ABCC10: variants seen among roughly 807,000 people sequenced by gnomAD.
ABCC10 encodes the protein ATP-binding cassette sub-family C member 10.
ABCC10 carries 110 observed loss-of-function variants against 143.2 expected under a neutral mutation model. The observed-to-expected ratio is 0.77, with a 90% confidence interval of 0.66 to 0.90. The LOEUF (loss-of-function observed/expected upper bound fraction) is 0.90. ABCC10 is among the 40% of genes least tolerant of loss of function. The probability of loss-of-function intolerance (pLI) is 0.00; values close to 1 mark genes in which losing one functional copy is unlikely to be tolerated. For missense variants in ABCC10, 1,700 were observed against 1,900.5 expected, an observed-to-expected ratio of 0.89 and a Z score of 1.96; for synonymous variants, 805 against 846.7, an observed-to-expected ratio of 0.95 and a Z score of 0.85.
In ABCC10 at chr6:43,444,154, C is replaced by T. The variant is rs894999926; in HGVS notation, c.2495-5C>T. On this transcript the variant is annotated splice_polypyrimidine_tract_variant and splice_region_variant and intron_variant, in intron 11 of 21. Coordinates refer to ENST00000372530, the MANE Select transcript of ABCC10 (RefSeq NM_001198934.2). ...TAATTCTTCCATGACCCCTGATTCTCACAGCCACAGCCCAGTCAGTACAGA... is the reference window on the plus strand; with the variant it reads ...TAATTCTTCCATGACCCCTGATTCTTACAGCCACAGCCCAGTCAGTACAGA... 1.9e-6 allele frequency: 3 copies of T among 1,611,094 alleles called. No homozygotes were observed. The highest frequency in any genetic ancestry group is 2.5e-6 in the Non-Finnish European group (3 of 1,177,952).
chr6:43,429,436 G>C (rs1243484256), intron 2 of ABCC10, among the ~76,000 whole-genome samples: 1 of 132,004 alleles, frequency 7.6e-6, no homozygotes, highest in Non-Finnish European at 1.6e-5. Flanking sequence ...GATTGTTATT[G>C]TTGTTTTGTT....
At position 43,446,821 on chromosome 6, in the gene ABCC10, C is replaced by T. The variant is rs1581785595; in HGVS notation, c.3544+375C>T. The T allele has an allele frequency of 1.2e-5, 14 of 1,144,898 alleles. No individual in the cohort carries two copies. The South Asian group carries it at 3.8e-4, about 31-fold the overall frequency. 70.9% of individuals were successfully genotyped at this position (1,144,898 alleles called of 1,614,324 possible). On this transcript the variant is annotated intron_variant, in intron 16 of 21. Transcript: ENST00000372530. ...TCCTGTGCTCCTGGCTAGGTCCTAT[C>T]ACCCTCCTGCTTCTCTGTTGCTTTT...
intron 2 of ABCC10, chr6:43,431,885 A>G: frequency 7.6e-7 from 1 of 1,319,342 alleles, no homozygotes; most frequent in Non-Finnish European, 9.6e-7. Flanking sequence ...TGAATCAGAA[A>G]TGGTGTGGGT....
rs535397254 is a variant in ABCC10 at position 43,435,887 on chromosome 6, C to T, written c.1745C>T (p.Pro582Leu). Residue 582 changes from proline to leucine, a missense_variant, in exon 5 of 22, where the codon CCC (proline) becomes CTC (leucine). By Grantham distance (98) the Pro-to-Leu change is moderately conservative (BLOSUM62 -3). Transcript: ENST00000372530. ...QLFLDLPNHN[P>L]QAYYSPDPPA... is the part of the protein sequence containing the mutation. Reference sequence around the variant, plus strand: ...TTCCTCGACCTTCCAAACCACAACCCCCAGGCCTACTACAGCCCAGGTAAT... The same window carrying T: ...TTCCTCGACCTTCCAAACCACAACCTCCAGGCCTACTACAGCCCAGGTAAT... 3.1e-6 allele frequency: 5 copies of T among 1,614,124 alleles called. No individual in the cohort carries two copies. In the Admixed American group the frequency reaches 5.0e-5, roughly 16 times the overall value.
At chr6:43,444,109 C>A in intron 11 of ABCC10, 50 bp from the exon 12 acceptor site, 1 of 1,609,794 alleles carries the variant, frequency 6.2e-7, no homozygotes, top group East Asian at 2.2e-5. Context: ...ACTGAGTTTT[C>A]AGCTGGCACC....
At chr6:43,451,154 C>G (rs771410927), downstream of ABCC10, 4 of 1,614,084 alleles carry the variant, frequency 2.5e-6, no homozygotes, top group Non-Finnish European at 2.5e-6. The surrounding 1 kb of genome is among the most constrained non-coding windows in gnomAD (Gnocchi z 4.4). Flanking sequence ...AAGGCCGCAT[C>G]AGGCAGTCAT....
At chr6:43,447,056 C>T (rs968241977) in intron 16 of ABCC10, 192 bp from the exon 17 acceptor site, 242 of 825,832 alleles carry the variant, frequency 2.9e-4, no homozygotes, top group Non-Finnish European at 4.1e-4. Context: ...CCATGTTGGC[C>T]AGGCTGGTCT....
downstream of ABCC10, chr6:43,450,600 G>T (rs149448438): frequency 2.3e-4 from 367 of 1,598,712 alleles, 1 homozygote; most frequent in Non-Finnish European, 2.9e-4. The surrounding 1 kb of genome is among the most constrained non-coding windows in gnomAD (Gnocchi z 4.5). Flanking sequence ...GAGCCCTGCT[G>T]GCAGCATGCT....
chr6:43,428,814 G>T (rs922039580), intron 2 of ABCC10, among the ~76,000 whole-genome samples: 1 of 152,184 alleles, frequency 6.6e-6, no homozygotes, highest in African/African-American at 2.4e-5. Flanking sequence ...ATGGGGGGAA[G>T]TGTCTCTATC....
chr6:43,434,819 C>T lies in ABCC10; in HGVS notation c.1579C>T (p.Leu527Phe), dbSNP rs573202769. ...CATCGTTATCTTCATCACCTATGTC[C>T]TCATGGGGCACCAGCTCACTGCCAC... ...ISIVIFITYV[L>F]MGHQLTATKV... Residue 527 changes from leucine to phenylalanine, a missense_variant, in exon 4 of 22, where the codon CTC becomes TTC. Coordinates refer to ENST00000372530, the MANE Select transcript of ABCC10 (RefSeq NM_001198934.2). 4 of 1,614,042 alleles carry T rather than the reference C, an allele frequency of 2.5e-6. No homozygotes were observed. The African/African-American group carries it at 5.3e-5, about 22-fold the overall frequency.
intron 17 of ABCC10, 120 bp downstream of exon 17, chr6:43,447,528 T>A: frequency 1.3e-6 from 2 of 1,552,616 alleles, no homozygotes; most frequent in Non-Finnish European, 1.7e-6. Flanking sequence ...CTCTTCATGA[T>A]GACCACAATT....
rs1782712783 is a variant in ABCC10, at chr6:43,443,651, C to T, written c.2417-282C>T. 6 of 426,432 alleles carry T rather than the reference C, an allele frequency of 1.4e-5. No homozygotes were observed. In the East Asian group the frequency reaches 2.4e-4, roughly 17 times the overall value. 26.4% of individuals were successfully genotyped at this position (426,432 alleles called of 1,614,324 possible). ...ACCCTGGACAGAGTGGCAGGCATAG[C>T]TCTGGCGGTCCTCTTGGGGATGGAC... On this transcript the variant is annotated intron_variant, in intron 10 of 21. Coordinates refer to ENST00000372530, the MANE Select transcript of ABCC10 (RefSeq NM_001198934.2). The surrounding 1 kb of genome is among the most constrained non-coding windows in gnomAD (Gnocchi z 4.2).
intron 3 of ABCC10, among the ~76,000 whole-genome samples, chr6:43,434,155 G>C (rs1013476480): frequency 6.6e-6 from 1 of 152,254 alleles, no homozygotes; most frequent in African/African-American, 2.4e-5. Flanking sequence ...GCTGTAGTGT[G>C]GCCTCTTATG....
Position 43,447,409 on chromosome 6 carries a change from G to A in ABCC10, c.3705+1G>A, listed in dbSNP as rs1282286418. ...GGAACCCCAGGGCCAGCCACTGCAGGTGGGCCTGTACCCCCACCCCAGGCC... is the reference window on the plus strand; with the variant it reads ...GGAACCCCAGGGCCAGCCACTGCAGATGGGCCTGTACCCCCACCCCAGGCC... On this transcript the variant is annotated splice_donor_variant, in intron 17 of 21. Coordinates refer to ENST00000372530, the MANE Select transcript of ABCC10 (RefSeq NM_001198934.2). LOFTEE classifies it high-confidence loss of function. 6.2e-7 allele frequency: 1 copy of A among 1,612,798 alleles called. No individual in the cohort carries two copies. The highest frequency in any genetic ancestry group is 8.5e-7 in the Non-Finnish European group (1 of 1,179,798).
chr6:43,440,159 G>A (rs1782225290), intron 8 of ABCC10, among the ~76,000 whole-genome samples: 1 of 151,176 alleles, frequency 6.6e-6, no homozygotes, highest in Non-Finnish European at 1.5e-5. Flanking sequence ...GTTTCACCAT[G>A]TTGCCCAGGC....
rs1782994640 is a variant in ABCC10 at position 43,445,802 on chromosome 6, C to T, written c.3234C>T (p.Tyr1078=). Residue 1078 remains tyrosine (Y), a synonymous_variant, in exon 15 of 22, where the codon TAC becomes TAT. Transcript: ENST00000372530. Reference sequence around the variant, plus strand: ...TGCTGCCGCCTTTGAGCATCATGTACTATCACGTGCAGCGCCACTACAGGG... The same window carrying T: ...TGCTGCCGCCTTTGAGCATCATGTATTATCACGTGCAGCGCCACTACAGGG... ...LLLLPPLSIM[Y]YHVQRHYRAS... The T allele has an allele frequency of 6.2e-7, 1 of 1,613,986 alleles. No homozygotes were observed. Among genetic ancestry groups the T allele is most frequent in the Non-Finnish European group, 8.5e-7 (1 of 1,180,046 alleles).
At position 43,446,360 on chromosome 6, in the gene ABCC10, T is replaced by C. The variant is rs1300878149; in HGVS notation, c.3458T>C (p.Ile1153Thr). Reference sequence around the variant, plus strand: ...AGTGCCACAATGCAGTGGCTGGACATTCGGCTACAGCTCATGGGGGCGGCA... The same window carrying C: ...AGTGCCACAATGCAGTGGCTGGACACTCGGCTACAGCTCATGGGGGCGGCA... ...ATSATMQWLD[I>T]RLQLMGAAVV... Residue 1153 changes from isoleucine (I) to threonine (T), a missense_variant, in exon 16 of 22, where the codon ATT becomes ACT. Ile to Thr is a moderately conservative substitution (Grantham distance 89). Coordinates refer to ENST00000372530, the MANE Select transcript of ABCC10 (RefSeq NM_001198934.2). The C allele has an allele frequency of 7.4e-6, 12 of 1,613,658 alleles. No individual in the cohort carries two copies. The highest frequency in any genetic ancestry group is 9.3e-6 in the Non-Finnish European group (11 of 1,179,934).
Position 43,443,957 on chromosome 6 carries a change from T to TGTGTACTTG in ABCC10, c.2442_2443insTGTACTTGG (p.Leu814_Val815insCysThrTrp). 1.2e-6 allele frequency: 2 copies of TGTGTACTTG among 1,614,142 alleles called. No homozygotes were observed. On this transcript the variant is annotated inframe_insertion, in exon 11 of 22. Coordinates refer to ENST00000372530, the MANE Select transcript of ABCC10 (RefSeq NM_001198934.2). The surrounding 1 kb of genome is among the most constrained non-coding windows in gnomAD (Gnocchi z 4.2). ...GGACCTCCCTCTGAGATTCTGCCAC[T>TGTGTACTTG]GGTACAAGCTGTCCCCAAAGCCTGG...
chr6:43,446,442 C>A lies in ABCC10; in HGVS notation c.3540C>A (p.Asn1180Lys), dbSNP rs770171491. 2 of 1,610,248 alleles carry A rather than the reference C, an allele frequency of 1.2e-6. No individual in the cohort carries two copies. The highest frequency in any genetic ancestry group is 1.7e-6 in the Non-Finnish European group (2 of 1,179,096). Residue 1180 changes from asparagine (N) to lysine (K), a missense_variant, in exon 16 of 22, where the codon AAC becomes AAA. Transcript: ENST00000372530. ...ALVQHQQGLA[N>K]PGLVGLSLSY... ...TGCAGCACCAGCAGGGCCTCGCTAA[C>A]CCAGGTGCCACCCAGGACCCCTCAC...
Sources: gnomAD v4.1 joint callset for allele counts (sites outside exome capture counted in the v4.1 genomes callset) on GRCh38, gnomAD v4.1.1 for gene constraint, Gnocchi (gnomAD v3.1) non-coding constraint, MANE v1.5 for transcripts, NCBI Gene and HGNC (gene_info 2026-07-23, HGNC 2026-07-21) for gene names.